COL6A5: variants seen among roughly 807,000 people sequenced by gnomAD.
COL6A5 encodes collagen alpha-5(VI) chain.
In COL6A5, 48 loss-of-function variants were observed where a neutral mutation model predicts 65.6. The observed-to-expected ratio is 0.73, with a 90% CI of 0.58 to 0.93. The LOEUF is 0.93. COL6A5 is among the 40% of genes least tolerant of loss of function. The pLI, the probability that COL6A5 is intolerant of heterozygous loss-of-function variation, is 0.00. For synonymous variants in COL6A5, 291 were observed against 322.8 expected, an observed-to-expected ratio of 0.90 and a Z score of 1.05; for missense variants, 914 against 928.3, an observed-to-expected ratio of 0.98 and a Z score of 0.20.
At chr3:130,346,719 T>G (rs1934491368) in intron 1 of COL6A5, among the ~76,000 whole-genome samples, 1 of 152,234 alleles carries the variant, frequency 6.6e-6, no homozygotes, top group Non-Finnish European at 1.5e-5. Context: ...TCTTCATAAG[T>G]TGATGTAGTG....
At chr3:130,382,604 G>T (rs1224738128) in intron 4 of COL6A5, among the ~76,000 whole-genome samples, 2 of 152,086 alleles carry the variant, frequency 1.3e-5, no homozygotes, top group African/African-American at 4.8e-5. Flanking sequence ...AATGAATTCA[G>T]GCTAGCAACA....
At position 130,379,688 on chromosome 3, in the gene COL6A5, A is replaced by G. The variant is rs368190316; in HGVS notation, c.938A>G (p.Asn313Ser). 1.7e-5 allele frequency: 26 copies of G among 1,551,458 alleles called. No individual in the cohort carries two copies. The African/African-American group carries it at 2.5e-4, about 15-fold the overall frequency. The change falls in exon 4 of 42, where the codon AAT (asparagine) becomes AGT (serine). Residue 313 changes from asparagine to serine, a missense_variant and NMD_transcript_variant. Coordinates refer to the COL6A5 transcript ENST00000312481. Reference sequence around the variant, plus strand: ...CTTTCTATCCAAGTTGGGAAATCCAATACAGGGGCTGCCATTGATCAGATG... The same window carrying G: ...CTTTCTATCCAAGTTGGGAAATCCAGTACAGGGGCTGCCATTGATCAGATG...
intron 7 of COL6A5, 112 bp downstream of exon 40, chr3:130,472,038 A>G: frequency 9.7e-7 from 1 of 1,027,896 alleles, no homozygotes; most frequent in Non-Finnish European, 1.4e-6. Flanking sequence ...TGACAGGATG[A>G]GGATAAAAGA....
At chr3:130,386,500 A>T (rs1936193009) in intron 5 of COL6A5, among the ~76,000 whole-genome samples, 1 of 152,108 alleles carries the variant, frequency 6.6e-6, no homozygotes, top group Non-Finnish European at 1.5e-5. Context: ...AAGCAAATAA[A>T]TAGCATTAAC....
intron 4 of COL6A5, among the ~76,000 whole-genome samples, chr3:130,453,912 AG>A (rs1709506354): frequency 6.6e-6 from 1 of 152,176 alleles, no homozygotes; most frequent in Admixed American, 6.5e-5. Context: ...GTAATTTTAC[AG>A]GGAAGCGTCT....
At position 130,440,234 on chromosome 3, in the gene COL6A5, T is replaced by C. The variant is rs371342417; in HGVS notation, c.652T>C (p.Phe218Leu). The stretch of plus-strand genomic sequence containing the variant: ...TGAAGATTCATACATGGATGTAGTC[T>C]TCCTCATAGACAATTCTCGGAATAT... The change falls in exon 3 of 8, where the codon TTC becomes CTC. Residue 218 changes from phenylalanine to leucine, a missense_variant. Physicochemically the swap from Phe to Leu is conservative, Grantham distance 22. Transcript: ENST00000512836. The C allele has an allele frequency of 3.7e-6, 6 of 1,613,264 alleles. No homozygotes were observed. In the African/African-American group the frequency reaches 8.0e-5, roughly 22 times the overall value.
At position 130,469,507 on chromosome 3, in the gene COL6A5, C is replaced by T. The variant is rs550561000; in HGVS notation, c.2231+26C>T. ...GTAAGTCATTAATTCTCTTTGATTG[C>T]TTTTGCAATAGATTTAATGTTTCTG... On this transcript the variant is annotated intron_variant, in intron 6 of 7. Coordinates refer to ENST00000512836, the Ensembl canonical transcript of COL6A5. The T allele has an allele frequency of 3.4e-5, 53 of 1,547,748 alleles. No individual in the cohort carries two copies. The Admixed American group carries it at 5.3e-4, about 15-fold the overall frequency.
At chr3:130,467,361 T>G (rs949201639) in intron 5 of COL6A5, among the ~76,000 whole-genome samples, 3 of 152,032 alleles carry the variant, frequency 2.0e-5, no homozygotes, top group African/African-American at 7.2e-5. Context: ...TTATATATTT[T>G]AAAGTTAACA....
intron 6 of COL6A5, among the ~76,000 whole-genome samples, chr3:130,390,929 G>A (rs906344792): frequency 3.9e-5 from 6 of 152,180 alleles, no homozygotes; most frequent in Non-Finnish European, 8.8e-5. Context: ...GTGGCATAAG[G>A]ACCAGCAAAC....
intron 5 of COL6A5, 128 bp downstream of exon 37, chr3:130,455,794 G>A: frequency 1.5e-6 from 1 of 677,914 alleles, no homozygotes; most frequent in African/African-American, 1.8e-5. Context: ...CATTATGGTA[G>A]ATACAACTTC....
At chr3:130,366,761 TA>T (rs1479360409) in intron 1 of COL6A5, among the ~76,000 whole-genome samples, 1 of 152,248 alleles carries the variant, frequency 6.6e-6, no homozygotes, top group African/African-American at 2.4e-5. Flanking sequence ...CATGTTCATT[TA>T]TTCTTTTAAC....
At chr3:130,408,700 T>C (rs1282371975) in intron 17 of COL6A5, among the ~76,000 whole-genome samples, 1 of 152,160 alleles carries the variant, frequency 6.6e-6, no homozygotes, top group Non-Finnish European at 1.5e-5. Context: ...CCTGCCGACA[T>C]GTGATGTCAC....
chr3:130,401,178 G>A lies in COL6A5; in HGVS notation c.4134+5G>A. 6.5e-7 allele frequency: 1 copy of A among 1,530,586 alleles called. No individual in the cohort carries two copies. Among genetic ancestry groups the A allele is most frequent in the Non-Finnish European group, 8.8e-7 (1 of 1,139,826 alleles). 94.8% of individuals were successfully genotyped at this position (1,530,586 alleles called of 1,614,324 possible). A position where few individuals can be genotyped will look rare whatever the true frequency, so the allele number is the denominator to read the frequency against. On this transcript the variant is annotated splice_donor_5th_base_variant and intron_variant and NMD_transcript_variant, in intron 11 of 41. Coordinates refer to the COL6A5 transcript ENST00000312481. ...AAAAAACTATCACAGTACCTGGTGA[G>A]TTGTTGAACAAAATCCCCGGTTGTT...
At chr3:130,361,780 G>A (rs967806129) in intron 1 of COL6A5, among the ~76,000 whole-genome samples, 20 of 152,104 alleles carry the variant, frequency 1.3e-4, no homozygotes, top group African/African-American at 4.8e-4. Context: ...ACTAATGGGT[G>A]TGTAGTAGCA....
At chr3:130,472,858 T>TATATATATATATATATAC (rs1198559167) in intron 7 of COL6A5, among the ~76,000 whole-genome samples, 10 of 141,852 alleles carry the variant, frequency 7.0e-5, no homozygotes, top group East Asian at 4.2e-4. Context: ...TATATATATA[T>TATATATATATATATATAC]ACACATTTAT....
chr3:130,445,659 A>G (rs1489803008), intron 4 of COL6A5, among the ~76,000 whole-genome samples: 3 of 152,102 alleles, frequency 2.0e-5, no homozygotes, highest in Non-Finnish European at 4.4e-5. Context: ...GGAGTATCAT[A>G]TGAGGCCTGG....
chr3:130,355,694 C>T lies in COL6A5; in HGVS notation c.-29+9713C>T, dbSNP rs73212702. Among the ~76,000 whole-genome samples, 238 of 151,128 alleles carry T rather than the reference C, an allele frequency of 1.6e-3. 3 individuals are homozygous for T. The Middle Eastern group carries it at 0.024, about 15-fold the overall frequency. ...AAGGGAAATAGAAAATGAATGGAAA[C>T]GTGATAAGGCAAAATAAATTAAACA... On this transcript the variant is annotated intron_variant and NMD_transcript_variant, in intron 1 of 41. Coordinates refer to the COL6A5 transcript ENST00000312481.
intron 1 of COL6A5, among the ~76,000 whole-genome samples, chr3:130,437,558 G>T (rs193298265): frequency 6.4e-4 from 98 of 152,124 alleles, no homozygotes; most frequent in Admixed American, 2.0e-3. Flanking sequence ...ATTTCTCTCA[G>T]AGTTAAAGCT....
intron 13 of COL6A5, among the ~76,000 whole-genome samples, chr3:130,405,357 A>G (rs1936949610): frequency 6.6e-6 from 1 of 152,096 alleles, no homozygotes; most frequent in Non-Finnish European, 1.5e-5. Context: ...CCTTTTTGTG[A>G]TCTTGGGTCT....
Sources: gnomAD v4.1 joint callset for allele counts (sites outside exome capture counted in the v4.1 genomes callset) on GRCh38, gnomAD v4.1.1 for gene constraint, MANE v1.5 for transcripts, NCBI Gene and HGNC (gene_info 2026-07-23, HGNC 2026-07-21) for gene names.